CCDC73: variants seen among roughly 807,000 people sequenced by gnomAD.
The protein encoded by CCDC73 is coiled-coil domain-containing protein 73.
CCDC73 carries 95 observed loss-of-function variants against 116.5 expected under a neutral mutation model. The ratio of observed to expected loss-of-function variants is 0.82; its 90% CI spans 0.69 to 0.97. The LOEUF (loss-of-function observed/expected upper bound fraction) is 0.97. Ranked by LOEUF, CCDC73 falls within the 50% of genes least tolerant of loss-of-function variation. The probability of loss-of-function intolerance (pLI) is 0.00; values close to 1 mark genes in which losing one functional copy is unlikely to be tolerated. For missense variants in CCDC73, 1,066 were observed against 1,206.8 expected (o/e 0.88, Z 1.73); for synonymous variants, 398 against 401.3 (o/e 0.99, Z 0.10).
chr11:32,633,994 A>G (rs1306830601), intron 14 of CCDC73, among the ~76,000 whole-genome samples: 1 of 152,210 alleles, frequency 6.6e-6, no homozygotes, highest in East Asian at 1.9e-4. Context: ...GCACACCAAC[A>G]TAAGAAGAAA....
At position 32,644,272 on chromosome 11, in the gene CCDC73, G is replaced by A. The variant is rs534776209; in HGVS notation, c.940-2190C>T. 2.8e-4 allele frequency among the ~76,000 whole-genome samples: 42 copies of A among 152,222 alleles called. No individual in the cohort carries two copies. The South Asian group carries it at 8.7e-3, about 32-fold the overall frequency. ...TACCACATGTTCTCACTTATAAGTGGGAGCTAAACATTGAGCACATATAGA... is the reference window on the plus strand; with the variant it reads ...TACCACATGTTCTCACTTATAAGTGAGAGCTAAACATTGAGCACATATAGA... On this transcript the variant is annotated intron_variant, in intron 12 of 17. Coordinates refer to ENST00000335185, the MANE Select transcript of CCDC73 (RefSeq NM_001008391.4).
intron 17 of CCDC73, chr11:32,604,095 A>C (rs990702447): frequency 6.6e-6 from 1 of 152,046 alleles, no homozygotes; most frequent in African/African-American, 2.4e-5. Context: ...AAACAAAAGG[A>C]ATACTGAATT....
chr11:32,774,390 CTG>C (rs1391548548), intron 1 of CCDC73, among the ~76,000 whole-genome samples: 2 of 152,136 alleles, frequency 1.3e-5, no homozygotes, highest in Non-Finnish European at 2.9e-5. Flanking sequence ...TCTCTTGTCT[CTG>C]TGAGTTAAAA....
chr11:32,657,861 A>G (rs1348450764), intron 9 of CCDC73, among the ~76,000 whole-genome samples: 1 of 152,076 alleles, frequency 6.6e-6, no homozygotes. Context: ...TAAGCCAGGC[A>G]TGATGGTGTA....
chr11:32,629,932 A>AC (rs952084745), intron 14 of CCDC73, among the ~76,000 whole-genome samples: 8 of 148,868 alleles, frequency 5.4e-5, no homozygotes, highest in African/African-American at 2.0e-4. Context: ...AAAAAAAAAA[A>AC]AACAAAAAAA....
the CCDC73 span, among the ~76,000 whole-genome samples, chr11:32,819,855 T>C: frequency 0.57 from 86,352 of 152,000 alleles, 24,876 homozygotes; most frequent in South Asian, 0.67. Context: ...GAGGTGGACA[T>C]ATACATTTAT....
chr11:32,619,764 G>A lies in CCDC73; in HGVS notation c.1186-3635C>T, dbSNP rs182743907. Among the ~76,000 whole-genome samples, 494 of 151,152 alleles carry A rather than the reference G, an allele frequency of 3.3e-3. 2 individuals are homozygous for A. The highest frequency in any genetic ancestry group is 5.2e-3 in the Admixed American group (78 of 15,044). ...AGGAGCAGAAGGAGGAGGAGGAGAT[G>A]AAGAAGGAGCAGAAGAAGCAGAAGA... On this transcript the variant is annotated intron_variant, in intron 14 of 17. Coordinates refer to ENST00000335185, the MANE Select transcript of CCDC73 (RefSeq NM_001008391.4).
Position 32,602,732 on chromosome 11 carries a change from A to G in CCDC73, c.*79T>C. ...AAAGACAAACTGTAGAGCTTTAAAT[A>G]CAACAGTCATTTTATTCTAGTAAAA... On this transcript the variant is annotated 3_prime_UTR_variant, in exon 18 of 18. Transcript: ENST00000335185. 9.0e-7 allele frequency: 1 copy of G among 1,114,698 alleles called. No individual in the cohort carries two copies. The highest frequency in any genetic ancestry group is 1.7e-5 in the South Asian group (1 of 59,558). The allele number at this position is 1,114,698 out of a possible 1,614,324, so 69.1% of individuals were successfully genotyped here.
chr11:32,811,735 T>C, the CCDC73 span, among the ~76,000 whole-genome samples: 1 of 151,952 alleles, frequency 6.6e-6, no homozygotes, highest in Non-Finnish European at 1.5e-5. Flanking sequence ...AGATCTCACA[T>C]GAAAACATAA....
At chr11:32,804,770 T>A in the CCDC73 span, among the ~76,000 whole-genome samples, 1 of 152,222 alleles carries the variant, frequency 6.6e-6, no homozygotes, top group Non-Finnish European at 1.5e-5. Flanking sequence ...GTCTATAACC[T>A]CAAAACAAAG....
chr11:32,652,307 C>CA (rs71463364), intron 12 of CCDC73, among the ~76,000 whole-genome samples: 153 of 117,062 alleles, frequency 1.3e-3, no homozygotes, highest in African/African-American at 1.7e-3. Flanking sequence ...CCATCTCAAA[C>CA]AAAAAAAAAA....
chr11:32,685,345 G>C (rs1258314355), intron 6 of CCDC73, among the ~76,000 whole-genome samples: 2 of 148,850 alleles, frequency 1.3e-5, no homozygotes, highest in Non-Finnish European at 3.0e-5. Context: ...AAAATATATA[G>C]TATATTAGAT....
At chr11:32,657,970 C>T (rs1327010084) in intron 9 of CCDC73, among the ~76,000 whole-genome samples, 2 of 151,292 alleles carry the variant, frequency 1.3e-5, no homozygotes, top group Non-Finnish European at 2.9e-5. Context: ...ACAGTGACCC[C>T]CCACCGCCCC....
the CCDC73 span, among the ~76,000 whole-genome samples, chr11:32,810,539 C>T: frequency 6.6e-6 from 1 of 152,132 alleles, no homozygotes; most frequent in African/African-American, 2.4e-5. Context: ...ATTCAGCACG[C>T]CCTTTAAAGA....
At position 32,602,761 on chromosome 11, in the gene CCDC73, A is replaced by C. The variant is rs191644109; in HGVS notation, c.*50T>G. 7.8e-7 allele frequency: 1 copy of C among 1,285,080 alleles called. No individual in the cohort carries two copies. The highest frequency in any genetic ancestry group is 1.5e-5 in the African/African-American group (1 of 66,650). 79.6% of individuals were successfully genotyped at this position (1,285,080 alleles called of 1,614,324 possible). A position where few individuals can be genotyped will look rare whatever the true frequency, so the allele number is the denominator to read the frequency against. ...CAGTCATTTTATTCTAGTAAAAACT[A>C]TACCAGAATTTCAGTTACATAATTT... is the stretch of plus-strand genomic sequence containing the variant. On this transcript the variant is annotated 3_prime_UTR_variant, in exon 18 of 18. Coordinates refer to ENST00000335185, the MANE Select transcript of CCDC73 (RefSeq NM_001008391.4).
At chr11:32,795,205 A>C (rs1850714031), upstream of CCDC73, among the ~76,000 whole-genome samples, 2 of 152,210 alleles carry the variant, frequency 1.3e-5, no homozygotes, top group Admixed American at 1.3e-4. Flanking sequence ...TCACTGGCTC[A>C]TGCCTGTAAC....
At chr11:32,734,821 A>G (rs1234564037) in intron 2 of CCDC73, among the ~76,000 whole-genome samples, 1 of 152,206 alleles carries the variant, frequency 6.6e-6, no homozygotes, top group Non-Finnish European at 1.5e-5. Flanking sequence ...CTTATCCACC[A>G]TGATCAAGTG....
At chr11:32,701,197 A>G (rs1456774849) in intron 4 of CCDC73, among the ~76,000 whole-genome samples, 3 of 152,176 alleles carry the variant, frequency 2.0e-5, no homozygotes, top group Non-Finnish European at 4.4e-5. Flanking sequence ...GATACCAATT[A>G]TCTTTGAAAG....
intron 17 of CCDC73, among the ~76,000 whole-genome samples, chr11:32,607,790 T>C (rs1444471956): frequency 7.0e-6 from 1 of 142,666 alleles, no homozygotes; most frequent in Non-Finnish European, 1.5e-5. Context: ...CTCACGCCGC[T>C]AATAAAGATA....
Sources: gnomAD v4.1 joint callset for allele counts (sites outside exome capture counted in the v4.1 genomes callset) on GRCh38, gnomAD v4.1.1 for gene constraint, MANE v1.5 for transcripts, NCBI Gene and HGNC (gene_info 2026-07-23, HGNC 2026-07-21) for gene names.